UNC5D: variants seen among roughly 807,000 people sequenced by gnomAD.
The protein encoded by UNC5D is unc-5 netrin receptor D.
A neutral mutation model predicts 105.4 loss-of-function variants in UNC5D; 39 were observed. The ratio of observed to expected loss-of-function variants is 0.37; its 90% CI spans 0.29 to 0.48. The LOEUF (loss-of-function observed/expected upper bound fraction) is 0.48, where lower values mean the gene tolerates loss of function less well. Ranked by LOEUF, UNC5D falls within the 20% of genes least tolerant of loss-of-function variation. The probability of loss-of-function intolerance (pLI) is 0.98; values close to 1 mark genes in which losing one functional copy is unlikely to be tolerated. For missense variants in UNC5D, 991 were observed against 1,202.4 expected (o/e 0.82, Z 2.60); for synonymous variants, 452 against 450.4 (o/e 1.00, Z -0.04).
intron 4 of UNC5D, among the ~76,000 whole-genome samples, chr8:35,638,115 G>T (rs1339983923): frequency 1.3e-5 from 2 of 152,140 alleles, no homozygotes; most frequent in African/African-American, 4.8e-5. Context: ...TTAAGAAAAG[G>T]CAATTATTTG....
At chr8:35,501,951 G>A (rs897704333) in intron 1 of UNC5D, among the ~76,000 whole-genome samples, 3 of 152,124 alleles carry the variant, frequency 2.0e-5, no homozygotes, top group East Asian at 3.9e-4. Context: ...CTTGCCCTCC[G>A]CTTAATATTT....
intron 1 of UNC5D, among the ~76,000 whole-genome samples, chr8:35,273,118 G>C (rs549451874): frequency 4.6e-5 from 7 of 152,274 alleles, no homozygotes; most frequent in Non-Finnish European, 7.4e-5. Flanking sequence ...GAGTGCTTTT[G>C]TCTTAAAGAC....
intron 1 of UNC5D, among the ~76,000 whole-genome samples, chr8:35,276,820 T>G (rs1376043626): frequency 6.6e-6 from 1 of 152,220 alleles, no homozygotes; most frequent in Non-Finnish European, 1.5e-5. Context: ...GAGTTTTGCC[T>G]AGTCCAATCC....
Position 35,601,789 on chromosome 8 carries a change from A to G in UNC5D, c.570+6132A>G, listed in dbSNP as rs540099929. Among the ~76,000 whole-genome samples the G allele has an allele frequency of 2.3e-4, 35 of 152,194 alleles. No individual in the cohort carries two copies. The South Asian group carries it at 6.7e-3, about 29-fold the overall frequency. Reference sequence around the variant, plus strand: ...CTCTTTTCCTAATTGAATGCCCTTTATTTCCTTCTCCTGCCTGATTGCCCT... The same window carrying G: ...CTCTTTTCCTAATTGAATGCCCTTTGTTTCCTTCTCCTGCCTGATTGCCCT... On this transcript the variant is annotated intron_variant, in intron 4 of 16. Coordinates refer to ENST00000404895, the MANE Select transcript of UNC5D (RefSeq NM_080872.4).
chr8:35,536,912 C>T (rs1437730684), intron 1 of UNC5D, among the ~76,000 whole-genome samples: 1 of 152,132 alleles, frequency 6.6e-6, no homozygotes, highest in Non-Finnish European at 1.5e-5. Context: ...AGGAGAATCA[C>T]TTGAACAGGG....
At chr8:35,503,199 T>C (rs1812081382) in intron 1 of UNC5D, among the ~76,000 whole-genome samples, 3 of 152,134 alleles carry the variant, frequency 2.0e-5, no homozygotes, top group African/African-American at 7.2e-5. Context: ...GACAGTGATC[T>C]CCCAGAGATC....
At chr8:35,655,255 CCACATGGGTATTAGT>C (rs1823656121) in intron 4 of UNC5D, among the ~76,000 whole-genome samples, 1 of 152,202 alleles carries the variant, frequency 6.6e-6, no homozygotes, top group Non-Finnish European at 1.5e-5. Context: ...TAGCCAATTA[CCACATGGGTATTAGT>C]CAAAAATATT....
chr8:35,519,146 G>T (rs938477660), intron 1 of UNC5D, among the ~76,000 whole-genome samples: 2 of 151,660 alleles, frequency 1.3e-5, no homozygotes, highest in African/African-American at 4.8e-5. Flanking sequence ...CTTTTTTCTG[G>T]GGTTTCCTCT....
intron 4 of UNC5D, among the ~76,000 whole-genome samples, chr8:35,614,314 C>A (rs1820876519): frequency 1.3e-5 from 2 of 152,106 alleles, no homozygotes; most frequent in African/African-American, 2.4e-5. Context: ...ATCAAACAGA[C>A]TATGAAATGA....
intron 3 of UNC5D, among the ~76,000 whole-genome samples, chr8:35,577,523 A>G (rs990205567): frequency 6.6e-6 from 1 of 151,780 alleles, no homozygotes; most frequent in African/African-American, 2.4e-5. Flanking sequence ...AGCAAAGATT[A>G]TAGCTCATGA....
chr8:35,264,201 A>T (rs1338723033), intron 1 of UNC5D, among the ~76,000 whole-genome samples: 1 of 152,232 alleles, frequency 6.6e-6, no homozygotes, highest in Non-Finnish European at 1.5e-5. Flanking sequence ...ATTGTAGCTT[A>T]TCAATTCATT....
intron 1 of UNC5D, among the ~76,000 whole-genome samples, chr8:35,272,953 T>C (rs1033478157): frequency 6.2e-4 from 94 of 152,274 alleles, no homozygotes; most frequent in African/African-American, 2.1e-3. Flanking sequence ...CACTTTTAAT[T>C]TAAGGAATGC....
chr8:35,536,332 G>T (rs1814834928), intron 1 of UNC5D, among the ~76,000 whole-genome samples: 1 of 151,998 alleles, frequency 6.6e-6, no homozygotes, highest in African/African-American at 2.4e-5. Context: ...CTGTGTATTA[G>T]GAAAAATAAC....
intron 16 of UNC5D, among the ~76,000 whole-genome samples, chr8:35,780,390 A>G (rs1179630468): frequency 1.3e-5 from 2 of 152,212 alleles, no homozygotes. Flanking sequence ...TTGAGGTGCT[A>G]TCTTTTCATT....
intron 1 of UNC5D, among the ~76,000 whole-genome samples, chr8:35,304,521 AC>A (rs1278891625): frequency 6.6e-6 from 1 of 152,078 alleles, no homozygotes; most frequent in Non-Finnish European, 1.5e-5. Context: ...AAAGGAAATG[AC>A]TTTTTAATGA....
chr8:35,777,642 C>T (rs73578281), intron 16 of UNC5D, among the ~76,000 whole-genome samples: 7,291 of 152,210 alleles, frequency 0.048, 446 homozygotes, highest in African/African-American at 0.14. Flanking sequence ...CAACATTCAA[C>T]TCTGATGCTG....
chr8:35,567,418 G>A (rs1014321206), intron 2 of UNC5D, among the ~76,000 whole-genome samples: 6 of 152,124 alleles, frequency 3.9e-5, no homozygotes, highest in Admixed American at 1.3e-4. Flanking sequence ...ATTTGGGGAC[G>A]CCAAGATGGG....
chr8:35,437,729 T>C (rs1235583359), intron 1 of UNC5D, among the ~76,000 whole-genome samples: 2 of 152,088 alleles, frequency 1.3e-5, no homozygotes, highest in Non-Finnish European at 2.9e-5. Context: ...TGTGGGGCCT[T>C]CTGTAAAGAT....
At chr8:35,689,042 A>G (rs1007395935) in intron 7 of UNC5D, among the ~76,000 whole-genome samples, 5 of 152,200 alleles carry the variant, frequency 3.3e-5, no homozygotes, top group Non-Finnish European at 5.9e-5. Context: ...AGTGAATTTT[A>G]TGTCTTCTAA....
Sources: gnomAD v4.1 joint callset for allele counts (sites outside exome capture counted in the v4.1 genomes callset) on GRCh38, gnomAD v4.1.1 for gene constraint, MANE v1.5 for transcripts, NCBI Gene and HGNC (gene_info 2026-07-23, HGNC 2026-07-21) for gene names.